The following SLC1A2 variants were observed in gnomAD, a reference collection of about 807,000 sequenced individuals.
The protein encoded by SLC1A2 is solute carrier family 1 member 2.
SLC1A2 carries 15 observed loss-of-function variants against 48.8 expected under a neutral mutation model. The ratio of observed to expected loss-of-function variants is 0.31; its 90% CI spans 0.21 to 0.47. The LOEUF (loss-of-function observed/expected upper bound fraction) is 0.47, where lower values mean the gene tolerates loss of function less well. Among genes scored for constraint, SLC1A2 ranks in the 20% least tolerant of loss-of-function variants. The probability of loss-of-function intolerance (pLI) is 0.99; values close to 1 mark genes in which losing one functional copy is unlikely to be tolerated. For missense variants in SLC1A2, 502 were observed against 730.5 expected, an observed-to-expected ratio of 0.69 and a Z score of 3.61; for synonymous variants, 279 against 272.6, an observed-to-expected ratio of 1.02 and a Z score of -0.23.
rs1463113107 is a variant in SLC1A2 at position 35,252,202 on chromosome 11, A to G, written c.*8692T>C. 1 of 152,588 alleles carries G rather than the reference A, an allele frequency of 6.6e-6. No individual in the cohort carries two copies. The highest frequency in any genetic ancestry group is 2.4e-5 in the African/African-American group (1 of 41,434). 9.5% of individuals were successfully genotyped at this position (152,588 alleles called of 1,614,324 possible). On this transcript the variant is annotated 3_prime_UTR_variant, in exon 11 of 11. Transcript: ENST00000278379. ...CAGATGCATTTGCAGTTAGTTAGTC[A>G]GCAATGTTTTTTCCTGTACCCTGAC...
At chr11:35,320,124 A>G (rs1484415723) in intron 1 of SLC1A2, among the ~76,000 whole-genome samples, 1 of 152,240 alleles carries the variant, frequency 6.6e-6, no homozygotes, top group Admixed American at 6.5e-5. Flanking sequence ...AGAATATTAT[A>G]TAATATACAG....
intron 1 of SLC1A2, among the ~76,000 whole-genome samples, chr11:35,373,211 T>G (rs1854114109): frequency 6.6e-6 from 1 of 152,110 alleles, no homozygotes; most frequent in African/African-American, 2.4e-5. Context: ...GGCAAGGGCG[T>G]GTGAGATGGT....
chr11:35,326,488 T>C (rs959001951), intron 1 of SLC1A2, among the ~76,000 whole-genome samples: 1 of 152,214 alleles, frequency 6.6e-6, no homozygotes, highest in African/African-American at 2.4e-5. Context: ...CTGCAGCGCC[T>C]TCAGGCACTA....
In SLC1A2 at chr11:35,287,905, C is replaced by T. The variant is rs114643160; in HGVS notation, c.1092-954G>A. On this transcript the variant is annotated intron_variant, in intron 7 of 10. Transcript: ENST00000278379. ...CCATGGAAGTGCTTCATGGTCCATC[C>T]TCTTGATTTTTTTCTATTCAAACTT... Among the ~76,000 whole-genome samples the T allele has an allele frequency of 7.5e-3, 1,139 of 152,274 alleles. 14 individuals are homozygous for T. Among genetic ancestry groups the T allele is most frequent in the African/African-American group, 0.025 (1,045 of 41,552 alleles).
rs373676101 is a variant in SLC1A2, at chr11:35,258,258, C to T, written c.*2636G>A. 1.5e-4 allele frequency: 23 copies of T among 152,310 alleles called. No individual in the cohort carries two copies. The highest frequency in any genetic ancestry group is 4.1e-4 in the South Asian group (2 of 4,828). 9.4% of individuals were successfully genotyped at this position (152,310 alleles called of 1,614,324 possible). On this transcript the variant is annotated 3_prime_UTR_variant, in exon 11 of 11. Coordinates refer to ENST00000278379, the MANE Select transcript of SLC1A2 (RefSeq NM_004171.4). ...GTGTGATTTTCTAAGTATATTCTCA[C>T]GAGACTTCCTGCACACAGTAAGTCT...
chr11:35,372,969 G>A (rs563559495), intron 1 of SLC1A2, among the ~76,000 whole-genome samples: 260 of 152,320 alleles, frequency 1.7e-3, no homozygotes, highest in African/African-American at 6.0e-3. Flanking sequence ...AACTTGTTTA[G>A]CACATGGTAG....
At chr11:35,360,753 G>A (rs896005059) in intron 1 of SLC1A2, among the ~76,000 whole-genome samples, 1 of 152,110 alleles carries the variant, frequency 6.6e-6, no homozygotes, top group Non-Finnish European at 1.5e-5. Flanking sequence ...TTTGAGGTAG[G>A]TTTGGACTCT....
chr11:35,369,451 C>T (rs1045070701), intron 1 of SLC1A2, among the ~76,000 whole-genome samples: 5 of 152,192 alleles, frequency 3.3e-5, no homozygotes, highest in African/African-American at 9.7e-5. Flanking sequence ...TCCCACTCCC[C>T]AGCTGAAGCA....
rs767078300 is a variant in SLC1A2, at chr11:35,292,445, C to T, written c.933G>A (p.Arg311=). 6.2e-7 allele frequency: 1 copy of T among 1,613,954 alleles called. No homozygotes were observed. The highest frequency in any genetic ancestry group is 1.3e-5 in the African/African-American group (1 of 74,996). ...CTGTTACCATGTACATCCCCAGTTG[C>T]CTAGCAACCACTTCTAAGTCCTTGA... is the stretch of plus-strand genomic sequence containing the variant. ...IAIKDLEVVA[R]QLGMYMVTVI... Residue 311 remains arginine, a synonymous_variant, in exon 7 of 11, where the codon AGG becomes AGA. Transcript: ENST00000278379.
intron 1 of SLC1A2, among the ~76,000 whole-genome samples, chr11:35,393,412 A>C (rs1854844477): frequency 6.6e-6 from 1 of 152,230 alleles, no homozygotes. Context: ...GACACAGGCC[A>C]GCCCAGCTCC....
At chr11:35,286,171 T>C (rs539070753) in intron 8 of SLC1A2, 17 of 152,370 alleles carry the variant, frequency 1.1e-4, no homozygotes, top group East Asian at 1.9e-4. Flanking sequence ...GATGAATACA[T>C]TTAAATAAAA....
chr11:35,419,290 C>A lies in SLC1A2; in HGVS notation c.-324G>T, dbSNP rs1202292959. ...CGATGCGCCCAGGGCTGCAGGAGGG[C>A]GCACGCCGGCGATGCGCCCCTGCAG... On this transcript the variant is annotated 5_prime_UTR_variant, in exon 1 of 11. Transcript: ENST00000278379. The surrounding 1 kb of genome is among the most constrained non-coding windows in gnomAD (Gnocchi z 5.4). The A allele has an allele frequency of 1.4e-4, 41 of 303,368 alleles. No homozygotes were observed. In the East Asian group the frequency reaches 2.2e-3, roughly 16 times the overall value. The allele number at this position is 303,368 out of a possible 1,614,324, so 18.8% of individuals were successfully genotyped here. A position where few individuals can be genotyped will look rare whatever the true frequency, so the allele number is the denominator to read the frequency against.
chr11:35,265,713 C>A lies in SLC1A2; in HGVS notation c.1467G>T (p.Gly489=). The change falls in exon 10 of 11, where the codon GGG becomes GGT. Residue 489 remains glycine (G), a synonymous_variant. Coordinates refer to ENST00000278379, the MANE Select transcript of SLC1A2 (RefSeq NM_004171.4). ...TGGAGAGGTGATAGACTATCCCAGCCCCAAAAGAGTCACCCACAACATTGA... is the reference window on the plus strand; with the variant it reads ...TGGAGAGGTGATAGACTATCCCAGCACCAAAAGAGTCACCCACAACATTGA... The part of the protein sequence containing the change: ...TSVNVVGDSF[G]AGIVYHLSKS... The A allele has an allele frequency of 6.2e-7, 1 of 1,613,950 alleles. No individual in the cohort carries two copies. The highest frequency in any genetic ancestry group is 8.5e-7 in the Non-Finnish European group (1 of 1,179,886).
chr11:35,326,925 T>A (rs180929439), intron 1 of SLC1A2, among the ~76,000 whole-genome samples: 144 of 152,258 alleles, frequency 9.5e-4, no homozygotes, highest in African/African-American at 3.2e-3. Flanking sequence ...AGATTCTCAA[T>A]CCATCCCCCA....
At chr11:35,346,086 C>T (rs1272390645) in intron 1 of SLC1A2, among the ~76,000 whole-genome samples, 1 of 151,858 alleles carries the variant, frequency 6.6e-6, no homozygotes, top group Non-Finnish European at 1.5e-5. Context: ...ACTTTAAGTT[C>T]TGGCATCCAT....
chr11:35,412,835 G>GGGA (rs1590292990), intron 1 of SLC1A2, among the ~76,000 whole-genome samples: 1 of 152,310 alleles, frequency 6.6e-6, no homozygotes, highest in East Asian at 1.9e-4. Context: ...GACCCATGTG[G>GGGA]TCATGCCCTG....
At chr11:35,399,478 A>G in intron 1 of SLC1A2, 1 of 220,814 alleles carries the variant, frequency 4.5e-6, no homozygotes, top group Non-Finnish European at 7.6e-6. Flanking sequence ...GAATGTAAAT[A>G]CAAAATCTGG....
Position 35,258,755 on chromosome 11 carries a change from C to T in SLC1A2, c.*2139G>A, listed in dbSNP as rs576683697. 1 of 152,126 alleles carries T rather than the reference C, an allele frequency of 6.6e-6. No homozygotes were observed. The highest frequency in any genetic ancestry group is 1.5e-5 in the Non-Finnish European group (1 of 68,064). 9.4% of individuals were successfully genotyped at this position (152,126 alleles called of 1,614,324 possible). A position where few individuals can be genotyped will look rare whatever the true frequency, so the allele number is the denominator to read the frequency against. On this transcript the variant is annotated 3_prime_UTR_variant, in exon 11 of 11. Coordinates refer to ENST00000278379, the MANE Select transcript of SLC1A2 (RefSeq NM_004171.4). ...AGGAGATCGAGACCATCCTGGCTAA[C>T]ATAATGAAACCCATCTGTACTAAAA...
At chr11:35,301,772 T>A in intron 5 of SLC1A2, 127 bp from the exon 6 acceptor site, 2 of 837,216 alleles carry the variant, frequency 2.4e-6, no homozygotes, top group Non-Finnish European at 3.7e-6. Flanking sequence ...AATTAGACAT[T>A]AAAAGAACAA....
Sources: gnomAD v4.1 joint callset for allele counts (sites outside exome capture counted in the v4.1 genomes callset) on GRCh38, gnomAD v4.1.1 for gene constraint, Gnocchi (gnomAD v3.1) non-coding constraint, MANE v1.5 for transcripts, NCBI Gene and HGNC (gene_info 2026-07-23, HGNC 2026-07-21) for gene names.